Variants in AFG3L2 observed in about 807,000 individuals in gnomAD.
AFG3L2 encodes mitochondrial inner membrane m-AAA protease component AFG3L2.
In AFG3L2, 54 loss-of-function variants were observed where a neutral mutation model predicts 94.5. The observed-to-expected ratio is 0.57, with a 90% CI of 0.46 to 0.72. AFG3L2 has a LOEUF of 0.72. Ranked by LOEUF, AFG3L2 falls within the 30% of genes least tolerant of loss-of-function variation. The pLI is 0.00. For missense variants in AFG3L2, 754 were observed against 994.9 expected, an observed-to-expected ratio of 0.76 and a Z score of 3.26; for synonymous variants, 377 against 365.5, an observed-to-expected ratio of 1.03 and a Z score of -0.36.
At chr18:12,369,087 T>G (rs912852072) in intron 3 of AFG3L2, among the ~76,000 whole-genome samples, 4 of 151,950 alleles carry the variant, frequency 2.6e-5, no homozygotes, top group African/African-American at 9.7e-5. Flanking sequence ...GAGACAGGTA[T>G]GATATGCACA....
rs369850190 is a variant in AFG3L2 at position 12,365,589 on chromosome 18, C to G, written c.552+1376G>C. 1.1e-3 allele frequency among the ~76,000 whole-genome samples: 173 copies of G among 152,318 alleles called. 1 individual carries two copies. The highest frequency in any genetic ancestry group is 4.0e-3 in the African/African-American group (167 of 41,566). On this transcript the variant is annotated intron_variant, in intron 5 of 16. Coordinates refer to ENST00000269143, the MANE Select transcript of AFG3L2 (RefSeq NM_006796.3). ...GAATTCTGGAGTCCACTGAAGGTTT[C>G]CAACTTCCAGGGGAAACATAAACTG... is the stretch of plus-strand genomic sequence containing the variant.
In AFG3L2 at chr18:12,344,470, T is replaced by A. The variant is rs145123085; in HGVS notation, c.1664-223A>T. 2.8e-3 allele frequency: 1,439 copies of A among 512,806 alleles called. 5 individuals carry two copies. Among genetic ancestry groups the A allele is most frequent in the Admixed American group, 8.8e-3 (302 of 34,434 alleles). The allele number at this position is 512,806 out of a possible 1,614,324, so 31.8% of individuals were successfully genotyped here. On this transcript the variant is annotated intron_variant, in intron 13 of 16. Transcript: ENST00000269143. ...TGGTCCAATCACTTGAGGTGAGGAG[T>A]TCGAGACCAGCCTGGCCAACATGGT...
chr18:12,373,122 G>T (rs993621493), intron 1 of AFG3L2, among the ~76,000 whole-genome samples: 2 of 152,164 alleles, frequency 1.3e-5, no homozygotes, highest in Non-Finnish European at 2.9e-5. Context: ...AGCAAAACAG[G>T]ACAGGAACAC....
chr18:12,338,844 A>C (rs1598821780), intron 15 of AFG3L2, among the ~76,000 whole-genome samples: 1 of 152,294 alleles, frequency 6.6e-6, no homozygotes, highest in East Asian at 1.9e-4. Context: ...ATGACATATG[A>C]TATGAAAGAT....
intron 9 of AFG3L2, 139 bp from the exon 10 acceptor site, chr18:12,353,297 C>G (rs1197584227): frequency 1.1e-5 from 11 of 1,020,534 alleles, no homozygotes; most frequent in Non-Finnish European, 1.6e-5. Context: ...GGTGGATCAC[C>G]TGAGGTCAGG....
intron 12 of AFG3L2, among the ~76,000 whole-genome samples, chr18:12,349,727 T>C (rs1392674899): frequency 1.3e-5 from 2 of 152,166 alleles, no homozygotes; most frequent in Non-Finnish European, 2.9e-5. Context: ...AATGGCGTGA[T>C]CTCAGCTCAC....
rs1320966210 is a variant in AFG3L2 at position 12,368,546 on chromosome 18, TA to T, written c.293-1165del. The stretch of plus-strand genomic sequence containing the variant: ...AGGGAAATGTATGTAAGGAAAACTG[TA>T]AATCAGTCCTTGTTGTTGTTTTAGA... On this transcript the variant is annotated intron_variant, in intron 3 of 16. Transcript: ENST00000269143. 1.4e-4 allele frequency among the ~76,000 whole-genome samples: 22 copies of T among 152,340 alleles called. 1 individual carries two copies. The highest frequency in any genetic ancestry group is 5.2e-4 in the Admixed American group (8 of 15,302).
intron 9 of AFG3L2, among the ~76,000 whole-genome samples, chr18:12,356,181 TCA>T (rs972335361): frequency 6.7e-6 from 1 of 149,354 alleles, no homozygotes; most frequent in Non-Finnish European, 1.5e-5. Context: ...AGACAGCGTC[TCA>T]CTCTGTTGCC....
chr18:12,347,171 C>T (rs865943349), intron 13 of AFG3L2, among the ~76,000 whole-genome samples: 1 of 152,134 alleles, frequency 6.6e-6, no homozygotes, highest in South Asian at 2.1e-4. Flanking sequence ...AAAAAACCCA[C>T]CTTAATTCAA....
At chr18:12,375,174 G>A (rs1369714415) in intron 1 of AFG3L2, among the ~76,000 whole-genome samples, 2 of 151,504 alleles carry the variant, frequency 1.3e-5, no homozygotes, top group African/African-American at 2.4e-5. Flanking sequence ...CCATGGCGAA[G>A]AAATTGATTT....
chr18:12,374,600 C>T (rs900507010), intron 1 of AFG3L2, among the ~76,000 whole-genome samples: 8 of 152,194 alleles, frequency 5.3e-5, no homozygotes, highest in Non-Finnish European at 1.2e-4. Context: ...CTACAGCTGT[C>T]AGCACAGAGG....
At chr18:12,332,056 T>C (rs1159129171) in intron 16 of AFG3L2, among the ~76,000 whole-genome samples, 2 of 151,904 alleles carry the variant, frequency 1.3e-5, no homozygotes, top group African/African-American at 4.8e-5. Flanking sequence ...ACAGTGTTTA[T>C]GTTAGATCAT....
rs1056745310 is a variant in AFG3L2, at chr18:12,372,098, G to C, written c.115-407C>G. Among the ~76,000 whole-genome samples the C allele has an allele frequency of 9.2e-5, 14 of 152,164 alleles. 1 individual carries two copies. The highest frequency in any genetic ancestry group is 2.1e-4 in the Non-Finnish European group (14 of 68,026). ...AGGTGGGTGCATCACGAGGTCAGGA[G>C]TTCAAGACCAGCCTGGCCAAGATGG... On this transcript the variant is annotated intron_variant, in intron 1 of 16. Coordinates refer to ENST00000269143, the MANE Select transcript of AFG3L2 (RefSeq NM_006796.3).
chr18:12,339,564 A>C (rs1907874261), intron 15 of AFG3L2, among the ~76,000 whole-genome samples: 2 of 149,938 alleles, frequency 1.3e-5, no homozygotes, highest in Non-Finnish European at 3.0e-5. Context: ...AAAAAAAAAA[A>C]AAACAAAAAA....
intron 3 of AFG3L2, among the ~76,000 whole-genome samples, chr18:12,368,789 T>C (rs1174609314): frequency 1.3e-5 from 2 of 152,188 alleles, no homozygotes; most frequent in African/African-American, 4.8e-5. Flanking sequence ...TTAGTAGAGA[T>C]AGGGTTTCAT....
rs151267725 is a variant in AFG3L2, at chr18:12,346,177, G to C, written c.1664-1930C>G. Among the ~76,000 whole-genome samples, 396 of 152,260 alleles carry C rather than the reference G, an allele frequency of 2.6e-3. 2 individuals carry two copies. The highest frequency in any genetic ancestry group is 9.2e-3 in the African/African-American group (381 of 41,552). ...TCGCTTGTCTGCTGATGCACCTTCAGTGCTTGTGGTACACCATGAGCACGG... is the reference window on the plus strand; with the variant it reads ...TCGCTTGTCTGCTGATGCACCTTCACTGCTTGTGGTACACCATGAGCACGG... On this transcript the variant is annotated intron_variant, in intron 13 of 16. Coordinates refer to ENST00000269143, the MANE Select transcript of AFG3L2 (RefSeq NM_006796.3).
At chr18:12,333,159 A>T (rs1310182562) in intron 16 of AFG3L2, among the ~76,000 whole-genome samples, 1 of 31,154 alleles carries the variant, frequency 3.2e-5, no homozygotes, top group Non-Finnish European at 8.1e-5. Context: ...TAATAATCTA[A>T]TATATATAAT....
rs74904785 is a variant in AFG3L2 at position 12,334,698 on chromosome 18, G to A, written c.2175+2643C>T. Among the ~76,000 whole-genome samples the A allele has an allele frequency of 5.7e-3, 875 of 152,272 alleles. 8 individuals are homozygous for A. Among genetic ancestry groups the A allele is most frequent in the African/African-American group, 0.02 (841 of 41,542 alleles). The stretch of plus-strand genomic sequence containing the variant: ...GCCACCCCTGCAGGCACCACCTGAG[G>A]AGTGCTGAGATGCCCCCACTGCTTC... On this transcript the variant is annotated intron_variant, in intron 16 of 16. Coordinates refer to ENST00000269143, the MANE Select transcript of AFG3L2 (RefSeq NM_006796.3).
In AFG3L2 at chr18:12,360,036, T is replaced by G; in HGVS notation, c.643A>C (p.Asn215His). Residue 215 changes from asparagine to histidine, a missense_variant, in exon 7 of 17, where the codon AAT becomes CAT. By Grantham distance (68) the Asn-to-His change is moderately conservative. Around this residue, in one of 4 missense-constraint regions of AFG3L2, gnomAD observed 130 missense variants for 175.1 expected, o/e 0.74. Coordinates refer to ENST00000269143, the MANE Select transcript of AFG3L2 (RefSeq NM_006796.3). ...TPVDGQYVWF[N>H]IGSVDTFERN... ...TCAAAGGTGTCCACACTGCCAATAT[T>G]AAACCAAACGTATTGCTATAAAAAC... 1 of 1,614,070 alleles carries G rather than the reference T, an allele frequency of 6.2e-7. No individual in the cohort carries two copies.
Sources: allele counts gnomAD v4.1 joint callset (sites outside exome capture counted in the v4.1 genomes callset), GRCh38; gene constraint gnomAD v4.1.1; regional missense constraint gnomAD v4.1.1; transcripts MANE v1.5; gene names NCBI Gene and HGNC (gene_info 2026-07-23, HGNC 2026-07-21).